PLEKHA5: variants seen among roughly 807,000 people sequenced by gnomAD.
PLEKHA5 encodes pleckstrin homology domain-containing family A member 5.
In PLEKHA5, 55 loss-of-function variants were observed where a neutral mutation model predicts 181.9. That is an observed-to-expected ratio of 0.30 (90% CI 0.24 to 0.38). The LOEUF (loss-of-function observed/expected upper bound fraction) is 0.38, where lower values mean the gene tolerates loss of function less well. PLEKHA5 is among the 10% of genes least tolerant of loss of function. The probability of loss-of-function intolerance (pLI) is 1.00; values close to 1 mark genes in which losing one functional copy is unlikely to be tolerated. For missense variants in PLEKHA5, 1,432 were observed against 1,549.5 expected (o/e 0.92, Z 1.27); for synonymous variants, 535 against 529.4 (o/e 1.01, Z -0.15).
At chr12:19,134,140 A>T (rs1591763418) in intron 3 of PLEKHA5, among the ~76,000 whole-genome samples, 1 of 152,010 alleles carries the variant, frequency 6.6e-6, no homozygotes, top group African/African-American at 2.4e-5. Context: ...CTGAGTATGT[A>T]TGTTTTAATT....
chr12:19,306,641 G>A (rs1248976812), intron 15 of PLEKHA5: 3 of 1,204,776 alleles, frequency 2.5e-6, no homozygotes, highest in African/African-American at 3.0e-5. Flanking sequence ...CGGCGGCATC[G>A]AGGTAATAGG....
chr12:19,163,556 A>G (rs1263706049), intron 3 of PLEKHA5, among the ~76,000 whole-genome samples: 1 of 152,124 alleles, frequency 6.6e-6, no homozygotes, highest in Non-Finnish European at 1.5e-5. Flanking sequence ...GATGAAGGTT[A>G]TGTACCTTCA....
chr12:19,306,792 TC>T, intron 15 of PLEKHA5: 1 of 861,638 alleles, frequency 1.2e-6, no homozygotes, highest in South Asian at 1.3e-5. Context: ...TGATCCAGAC[TC>T]AGCAGTTGTC....
intron 20 of PLEKHA5, 95 bp from the exon 21 acceptor site, chr12:19,336,420 T>G (rs1267085862): frequency 1.5e-6 from 1 of 688,168 alleles, no homozygotes; most frequent in Non-Finnish European, 2.5e-6. Flanking sequence ...GTATAAACTA[T>G]ATGACTTTCT....
intron 25 of PLEKHA5, among the ~76,000 whole-genome samples, chr12:19,352,577 CTTTTT>C (rs34607449): frequency 1.0e-4 from 11 of 110,150 alleles, no homozygotes; most frequent in Admixed American, 7.1e-4. Context: ...ACAAAGAAGG[CTTTTT>C]TTTTTTTTTT....
At chr12:19,359,126 T>C (rs1249082300) in intron 27 of PLEKHA5, among the ~76,000 whole-genome samples, 1 of 152,134 alleles carries the variant, frequency 6.6e-6, no homozygotes, top group Non-Finnish European at 1.5e-5. Flanking sequence ...ATCCCCTCTT[T>C]CCACCGAATC....
At chr12:19,200,307 T>TA (rs1021539078) in intron 3 of PLEKHA5, 2 of 1,519,936 alleles carry the variant, frequency 1.3e-6, no homozygotes, top group African/African-American at 2.8e-5. Flanking sequence ...CAATTTTTTT[T>TA]ATCCTTTATC....
chr12:19,161,216 TCTTTA>T (rs2151479010), intron 3 of PLEKHA5, among the ~76,000 whole-genome samples: 1 of 152,210 alleles, frequency 6.6e-6, no homozygotes, highest in South Asian at 2.1e-4. Context: ...TTTTCCCCAC[TCTTTA>T]CTTCCATTAT....
intron 20 of PLEKHA5, among the ~76,000 whole-genome samples, chr12:19,325,219 C>T (rs1457835933): frequency 6.6e-6 from 1 of 151,638 alleles, no homozygotes; most frequent in African/African-American, 2.4e-5. Context: ...TAGGGAGACC[C>T]TATCTCTACA....
At position 19,364,379 on chromosome 12, in the gene PLEKHA5, T is replaced by C. The variant is rs144562045; in HGVS notation, c.3609-1585T>C. Among the ~76,000 whole-genome samples the C allele has an allele frequency of 6.7e-3, 1,025 of 152,038 alleles. 10 individuals carry two copies. The highest frequency in any genetic ancestry group is 0.023 in the African/African-American group (971 of 41,492). On this transcript the variant is annotated intron_variant, in intron 29 of 31. Transcript: ENST00000429027. Reference sequence around the variant, plus strand: ...TACAAAAATTATCCGGGCATAGTGGTACATTCCTGTAATCCCACCTGCTTG... The same window carrying C: ...TACAAAAATTATCCGGGCATAGTGGCACATTCCTGTAATCCCACCTGCTTG...
intron 3 of PLEKHA5, among the ~76,000 whole-genome samples, chr12:19,234,843 G>A (rs908505175): frequency 6.6e-6 from 1 of 152,118 alleles, no homozygotes; most frequent in Non-Finnish European, 1.5e-5. Context: ...TGATTTGGGG[G>A]TAAGGATAGT....
At chr12:19,236,098 T>C (rs928035763) in intron 3 of PLEKHA5, among the ~76,000 whole-genome samples, 9 of 152,208 alleles carry the variant, frequency 5.9e-5, no homozygotes, top group Non-Finnish European at 8.8e-5. Context: ...CAGCATATTA[T>C]TGAGCAAAAG....
chr12:19,276,545 G>C (rs964341085), intron 11 of PLEKHA5, among the ~76,000 whole-genome samples: 1 of 152,150 alleles, frequency 6.6e-6, no homozygotes, highest in Non-Finnish European at 1.5e-5. Flanking sequence ...ACAAAGATTA[G>C]CCAGACATTT....
chr12:19,250,641 A>G (rs1469737178), intron 3 of PLEKHA5, among the ~76,000 whole-genome samples: 2 of 152,218 alleles, frequency 1.3e-5, no homozygotes, highest in African/African-American at 4.8e-5. Flanking sequence ...TCCTTTTTAT[A>G]AGGATTCTTC....
At chr12:19,164,616 G>C (rs35950383) in intron 3 of PLEKHA5, among the ~76,000 whole-genome samples, 4 of 152,048 alleles carry the variant, frequency 2.6e-5, no homozygotes, top group African/African-American at 9.7e-5. Context: ...ACCTGGCTCA[G>C]CACTGCTCTC....
At chr12:19,148,187 G>C (rs888258242) in intron 3 of PLEKHA5, among the ~76,000 whole-genome samples, 1 of 152,172 alleles carries the variant, frequency 6.6e-6, no homozygotes, top group Non-Finnish European at 1.5e-5. Flanking sequence ...CTCCTGAGTA[G>C]CTGGCATTTC....
chr12:19,321,310 A>G (rs1251733464), intron 18 of PLEKHA5, among the ~76,000 whole-genome samples: 1 of 147,396 alleles, frequency 6.8e-6, no homozygotes, highest in Non-Finnish European at 1.5e-5. Context: ...CTGATTTGCC[A>G]TACATTCTTC....
At chr12:19,201,468 A>G (rs1346575795) in intron 3 of PLEKHA5, 1 of 152,090 alleles carries the variant, frequency 6.6e-6, no homozygotes, top group Non-Finnish European at 1.5e-5. Flanking sequence ...TGACCAAGCA[A>G]TTTTACTACG....
chr12:19,292,231 C>A (rs1001490008), intron 15 of PLEKHA5, among the ~76,000 whole-genome samples: 4 of 152,022 alleles, frequency 2.6e-5, no homozygotes, highest in Admixed American at 1.3e-4. Flanking sequence ...CATGGAGAAA[C>A]CCTGCCTCTA....
Sources: allele counts gnomAD v4.1 joint callset (sites outside exome capture counted in the v4.1 genomes callset), GRCh38; gene constraint gnomAD v4.1.1; transcripts MANE v1.5; gene names NCBI Gene and HGNC (gene_info 2026-07-23, HGNC 2026-07-21).